The following ZBTB20 variants were observed in gnomAD, a reference collection of about 807,000 sequenced individuals.
The protein encoded by ZBTB20 is zinc finger and BTB domain-containing protein 20.
Under a neutral mutation model 56.9 loss-of-function variants are expected in ZBTB20, and 9 were observed. That is an observed-to-expected ratio of 0.16 (90% CI 0.10 to 0.28). ZBTB20 has a LOEUF of 0.28. Ranked by LOEUF, ZBTB20 falls within the 10% of genes least tolerant of loss-of-function variation. The probability of loss-of-function intolerance (pLI) is 1.00; values close to 1 mark genes in which losing one functional copy is unlikely to be tolerated. For synonymous variants in ZBTB20, 417 were observed against 420.7 expected (o/e 0.99, Z 0.11); for missense variants, 655 against 1,003.0 (o/e 0.65, Z 4.69).
chr3:114,706,920 A>G (rs543055581), intron 5 of ZBTB20, among the ~76,000 whole-genome samples: 2 of 152,092 alleles, frequency 1.3e-5, no homozygotes, highest in Admixed American at 6.6e-5. Context: ...GTAAGAGGGG[A>G]AAAAAAGGGG....
chr3:114,508,693 G>T (rs2044950115), intron 6 of ZBTB20, among the ~76,000 whole-genome samples: 2 of 151,984 alleles, frequency 1.3e-5, no homozygotes, highest in Admixed American at 6.6e-5. Context: ...TTGTAGAGAA[G>T]ATCCAGTAAA....
At chr3:114,392,449 A>T (rs1187201001) in intron 7 of ZBTB20, among the ~76,000 whole-genome samples, 2 of 152,340 alleles carry the variant, frequency 1.3e-5, no homozygotes, top group Admixed American at 1.3e-4. Context: ...AATGTTAAAA[A>T]TACCACTGGG....
At chr3:115,115,902 A>G (rs918692619) in intron 1 of ZBTB20, among the ~76,000 whole-genome samples, 4 of 152,050 alleles carry the variant, frequency 2.6e-5, no homozygotes, top group Non-Finnish European at 5.9e-5. Flanking sequence ...AATGACAGTG[A>G]ATATAAATCA....
chr3:114,427,915 A>C (rs1024944737), intron 7 of ZBTB20, among the ~76,000 whole-genome samples: 18 of 152,344 alleles, frequency 1.2e-4, no homozygotes, highest in African/African-American at 4.3e-4. Context: ...TGTGACTCTG[A>C]GAGAGGGCCA....
rs2079511928 is a variant in ZBTB20 at position 114,337,820 on chromosome 3, A to ATG, written c.*1183_*1184dup. ...TCTTGACTTACCAAAAAATATATATATGTGTGTGAAATAAAATAAAAGAGA... is the reference window on the plus strand; with the variant it reads ...TCTTGACTTACCAAAAAATATATATATGTGTGTGTGAAATAAAATAAAAGAGA... On this transcript the variant is annotated 3_prime_UTR_variant, in exon 12 of 12. Transcript: ENST00000675478. The ATG allele has an allele frequency of 6.6e-6, 1 of 152,080 alleles. No homozygotes were observed. Among genetic ancestry groups the ATG allele is most frequent in the Admixed American group, 6.5e-5 (1 of 15,278 alleles). The allele number at this position is 152,080 out of a possible 1,614,324, so 9.4% of individuals were successfully genotyped here.
At chr3:114,728,652 T>G (rs899697851) in intron 5 of ZBTB20, among the ~76,000 whole-genome samples, 6 of 152,206 alleles carry the variant, frequency 3.9e-5, no homozygotes, top group African/African-American at 7.2e-5. Flanking sequence ...TGCCAAGAAA[T>G]AAAACCGTGA....
chr3:114,486,507 G>A (rs997466092), intron 7 of ZBTB20, among the ~76,000 whole-genome samples: 4 of 152,138 alleles, frequency 2.6e-5, no homozygotes, highest in Admixed American at 2.6e-4. Context: ...AGCTACTGGT[G>A]AAGAACCAAT....
At chr3:115,021,866 T>C (rs920591785) in intron 2 of ZBTB20, among the ~76,000 whole-genome samples, 1 of 150,662 alleles carries the variant, frequency 6.6e-6, no homozygotes, top group African/African-American at 2.4e-5. Flanking sequence ...TAAAAATAAA[T>C]AAAATTTAAA....
intron 6 of ZBTB20, among the ~76,000 whole-genome samples, chr3:114,614,660 G>A (rs2057792262): frequency 6.6e-6 from 1 of 152,170 alleles, no homozygotes; most frequent in South Asian, 2.1e-4. Flanking sequence ...CCAGAAAAGA[G>A]CAAACAAATA....
intron 1 of ZBTB20, among the ~76,000 whole-genome samples, chr3:115,110,232 A>G (rs918824184): frequency 6.6e-5 from 10 of 151,952 alleles, no homozygotes; most frequent in African/African-American, 2.4e-4. Context: ...AAAGAGTTGG[A>G]AATATTAATA....
chr3:114,776,923 T>C (rs979742222), intron 5 of ZBTB20, among the ~76,000 whole-genome samples: 6 of 152,212 alleles, frequency 3.9e-5, no homozygotes, highest in Non-Finnish European at 7.3e-5. Flanking sequence ...AATGCTGGTT[T>C]GCATTTTTTA....
At chr3:115,008,794 A>T (rs920278632) in intron 2 of ZBTB20, among the ~76,000 whole-genome samples, 9 of 151,924 alleles carry the variant, frequency 5.9e-5, no homozygotes, top group African/African-American at 1.7e-4. Context: ...ATAGAAAGCA[A>T]GATTTAAACA....
Position 114,434,558 on chromosome 3 carries a change from T to TTGTGTGTGTGTGTGTGTGTG in ZBTB20, c.-254-45454_-254-45453insCACACACACACACACACACA, listed in dbSNP as rs71146320. On this transcript the variant is annotated intron_variant, in intron 7 of 11. Coordinates refer to ENST00000675478, the MANE Select transcript of ZBTB20 (RefSeq NM_001348800.3). Reference sequence around the variant, plus strand: ...GCAATTGGGGTGTGTGTGTGTGTGTTTGTGTGTGTGTGTGTGTGTATCTTT... The same window carrying TTGTGTGTGTGTGTGTGTGTG: ...GCAATTGGGGTGTGTGTGTGTGTGTTTGTGTGTGTGTGTGTGTGTGTGTGTGTGTGTGTGTGTGTATCTTT... 3.5e-3 allele frequency among the ~76,000 whole-genome samples: 518 copies of TTGTGTGTGTGTGTGTGTGTG among 146,038 alleles called. 5 individuals carry two copies. The highest frequency in any genetic ancestry group is 0.014 in the Middle Eastern group (4 of 288).
chr3:114,665,883 C>A (rs567655316), intron 6 of ZBTB20, among the ~76,000 whole-genome samples: 2 of 152,030 alleles, frequency 1.3e-5, no homozygotes, highest in Non-Finnish European at 2.9e-5. Flanking sequence ...ATTTTTCCCA[C>A]GCTCTGAGTT....
intron 6 of ZBTB20, among the ~76,000 whole-genome samples, chr3:114,511,056 C>T (rs1189425199): frequency 7.2e-6 from 1 of 138,406 alleles, no homozygotes; most frequent in Non-Finnish European, 1.5e-5. Flanking sequence ...AGCTTGTCAA[C>T]ATGATGAAAC....
chr3:114,808,147 A>G (rs1377111705), intron 4 of ZBTB20, among the ~76,000 whole-genome samples: 2 of 152,036 alleles, frequency 1.3e-5, no homozygotes, highest in Non-Finnish European at 2.9e-5. Flanking sequence ...TTTTATTACG[A>G]GTCTGTTCAT....
At chr3:114,700,040 C>T (rs1262441697) in intron 5 of ZBTB20, among the ~76,000 whole-genome samples, 1 of 152,004 alleles carries the variant, frequency 6.6e-6, no homozygotes, top group Non-Finnish European at 1.5e-5. Flanking sequence ...AAAATGTTCA[C>T]CTCAAAGCTA....
At chr3:114,440,352 A>T (rs1052561039) in intron 7 of ZBTB20, among the ~76,000 whole-genome samples, 4 of 152,168 alleles carry the variant, frequency 2.6e-5, no homozygotes. Context: ...GCTGGGGGAA[A>T]AAAAAATCCT....
intron 4 of ZBTB20, among the ~76,000 whole-genome samples, chr3:114,825,695 G>A (rs1455257302): frequency 6.6e-6 from 1 of 151,868 alleles, no homozygotes; most frequent in Non-Finnish European, 1.5e-5. Context: ...ACTGTGTACT[G>A]TCTATTCACA....
Sources: allele counts gnomAD v4.1 joint callset (sites outside exome capture counted in the v4.1 genomes callset), GRCh38; gene constraint gnomAD v4.1.1; transcripts MANE v1.5; gene names NCBI Gene and HGNC (gene_info 2026-07-23, HGNC 2026-07-21).